SMC4: variants seen among roughly 807,000 people sequenced by gnomAD.
SMC4 encodes structural maintenance of chromosomes 4.
A neutral mutation model predicts 145.6 loss-of-function variants in SMC4; 87 were observed. The ratio of observed to expected loss-of-function variants is 0.60; its 90% CI spans 0.50 to 0.71. The LOEUF (loss-of-function observed/expected upper bound fraction) is 0.71. Ranked by LOEUF, SMC4 falls within the 30% of genes least tolerant of loss-of-function variation. The pLI, the probability that SMC4 is intolerant of heterozygous loss-of-function variation, is 0.00. For synonymous variants in SMC4, 558 were observed against 500.7 expected (o/e 1.11, Z -1.53); for missense variants, 1,447 against 1,537.1 (o/e 0.94, Z 0.98).
rs986845213 is a variant in SMC4, at chr3:160,434,509, T to A, written c.*700T>A. ...AATTTTCAACTTTATGATAGGTTTA[T>A]CCGGGTACTAAATGCATTTCAACTT... On this transcript the variant is annotated 3_prime_UTR_variant, in exon 24 of 24. Coordinates refer to ENST00000357388, the MANE Select transcript of SMC4 (RefSeq NM_001002800.3). 8.5e-5 allele frequency: 13 copies of A among 152,236 alleles called. No individual in the cohort carries two copies. Among genetic ancestry groups the A allele is most frequent in the African/African-American group, 3.1e-4 (13 of 41,466 alleles). The allele number at this position is 152,236 out of a possible 1,614,324, so 9.4% of individuals were successfully genotyped here.
rs1196287988 is a variant in SMC4 at position 160,417,950 on chromosome 3, AAAG to A, written c.1666_1668del (p.Lys556del). ...AACTCCCTCAAACTGAACAAGAATT[AAAG>A]GAGGTAAATCTTTGCTTCTCTGTTG... is the stretch of plus-strand genomic sequence containing the variant. On this transcript the variant is annotated inframe_deletion, in exon 11 of 24. Coordinates refer to ENST00000357388, the MANE Select transcript of SMC4 (RefSeq NM_001002800.3). The A allele has an allele frequency of 1.2e-6, 2 of 1,607,872 alleles. No homozygotes were observed. Among genetic ancestry groups the A allele is most frequent in the African/African-American group, 2.7e-5 (2 of 74,652 alleles).
At position 160,420,455 on chromosome 3, in the gene SMC4, A is replaced by G. The variant is rs936728809; in HGVS notation, c.1858-285A>G. ...TTTACATAATTTTAGATGCTTTTCA[A>G]TAATTCAAAGTTTTCTGAGTTTTGC... On this transcript the variant is annotated intron_variant, in intron 12 of 23. Transcript: ENST00000357388. The G allele has an allele frequency of 4.0e-5, 13 of 322,860 alleles. 1 individual carries two copies. In the South Asian group the frequency reaches 4.5e-4, roughly 11 times the overall value. The allele number at this position is 322,860 out of a possible 1,614,324, so 20.0% of individuals were successfully genotyped here.
In SMC4 at chr3:160,424,972, G is replaced by A; in HGVS notation, c.2431G>A (p.Glu811Lys). 6.2e-7 allele frequency: 1 copy of A among 1,613,400 alleles called. No individual in the cohort carries two copies. Among genetic ancestry groups the A allele is most frequent in the African/African-American group, 1.3e-5 (1 of 74,826 alleles). Residue 811 changes from glutamate (E) to lysine (K), a missense_variant, in exon 16 of 24, where the codon GAA becomes AAA. Transcript: ENST00000357388. Reference protein sequence around the residue: ...EERVVKLRHSEREMRNTLEKF... With the variant: ...EERVVKLRHSKREMRNTLEKF... ...AAGAGTAGTTAAGTTACGGCATAGTGAACGAGAAATGAGGAACACACTAGA... is the reference window on the plus strand; with the variant it reads ...AAGAGTAGTTAAGTTACGGCATAGTAAACGAGAAATGAGGAACACACTAGA...
At chr3:160,419,566 A>G (rs1716949691) in intron 12 of SMC4, 23 bp downstream of exon 12, 2 of 1,560,388 alleles carry the variant, frequency 1.3e-6, no homozygotes, top group Admixed American at 2.3e-5. Context: ...TTTGGGGGGC[A>G]TGGCTTTACT....
At chr3:160,420,553 T>C in intron 12 of SMC4, 187 bp from the exon 13 acceptor site, 1 of 484,310 alleles carries the variant, frequency 2.1e-6, no homozygotes, top group South Asian at 3.4e-5. Flanking sequence ...TTTGTGCTCA[T>C]TAGAAATTCA....
intron 21 of SMC4, 133 bp downstream of exon 21, chr3:160,431,958 T>C (rs1218370240): frequency 3.3e-6 from 3 of 918,914 alleles, no homozygotes; most frequent in Non-Finnish European, 4.9e-6. Context: ...TCCCAGCACT[T>C]TGGGAGGCCA....
chr3:160,418,027 ATCTCCGCG>A, intron 11 of SMC4, 71 bp downstream of exon 11: 1 of 1,249,546 alleles, frequency 8.0e-7, no homozygotes, highest in Non-Finnish European at 1.1e-6. Flanking sequence ...TTTGTTTTTA[ATCTCCGCG>A]TCAGAGGTGA....
intron 15 of SMC4, 42 bp downstream of exon 15, chr3:160,423,882 T>TA (rs753802690): frequency 1.4e-6 from 2 of 1,417,404 alleles, no homozygotes; most frequent in South Asian, 2.5e-5. Flanking sequence ...TTTTTTTTTT[T>TA]AAATAGCTTT....
Position 160,416,422 on chromosome 3 carries a change from T to A in SMC4, c.1437+7T>A, listed in dbSNP as rs748789691. On this transcript the variant is annotated splice_region_variant and intron_variant, in intron 10 of 23. Transcript: ENST00000357388. Reference sequence around the variant, plus strand: ...GCTTCAGAAAGAAAAAGAAGTAAGTTTTTTTTTTTTATCAGTGTTTATTTT... The same window carrying A: ...GCTTCAGAAAGAAAAAGAAGTAAGTATTTTTTTTTTATCAGTGTTTATTTT... 5 of 1,446,760 alleles carry A rather than the reference T, an allele frequency of 3.5e-6. No individual in the cohort carries two copies. The highest frequency in any genetic ancestry group is 4.6e-6 in the Non-Finnish European group (5 of 1,090,904). 89.6% of individuals were successfully genotyped at this position (1,446,760 alleles called of 1,614,324 possible).
At chr3:160,403,368 G>C (rs999280007) in intron 4 of SMC4, among the ~76,000 whole-genome samples, 2 of 152,068 alleles carry the variant, frequency 1.3e-5, no homozygotes, top group African/African-American at 2.4e-5. Context: ...GGAAGGACAA[G>C]CTAATGTTTG....
intron 7 of SMC4, chr3:160,412,654 G>A: frequency 1.2e-5 from 13 of 1,075,520 alleles, no homozygotes; most frequent in South Asian, 4.4e-5. Flanking sequence ...TTGAGGCTGG[G>A]AGTTCAAGAC....
chr3:160,418,010 A>T, intron 11 of SMC4, 54 bp downstream of exon 11: 1 of 1,457,252 alleles, frequency 6.9e-7, no homozygotes, highest in Non-Finnish European at 9.4e-7. Context: ...CTTCAGCTTT[A>T]TACATTTTTG....
At chr3:160,406,004 T>A (rs1369334737) in intron 5 of SMC4, among the ~76,000 whole-genome samples, 1 of 152,036 alleles carries the variant, frequency 6.6e-6, no homozygotes, top group East Asian at 1.9e-4. Flanking sequence ...TTTTAACCCT[T>A]CTAAGGATAA....
chr3:160,419,286 A>G (rs974800552), intron 11 of SMC4, 72 bp from the exon 12 acceptor site: 7 of 995,168 alleles, frequency 7.0e-6, no homozygotes, highest in East Asian at 2.6e-5. Context: ...AAGCATTACA[A>G]CTAATTCAGT....
intron 21 of SMC4, 146 bp downstream of exon 21, chr3:160,431,971 G>GT: frequency 1.2e-6 from 1 of 810,620 alleles, no homozygotes; most frequent in Non-Finnish European, 1.9e-6. Flanking sequence ...GGAGGCCAAA[G>GT]GCGGGTGGAT....
intron 5 of SMC4, among the ~76,000 whole-genome samples, chr3:160,411,010 T>C (rs1715938002): frequency 6.6e-6 from 1 of 152,206 alleles, no homozygotes; most frequent in Admixed American, 6.5e-5. Context: ...TCCTATAACG[T>C]AGCAGCATTT....
intron 18 of SMC4, among the ~76,000 whole-genome samples, chr3:160,429,546 C>T (rs1029917720): frequency 3.3e-5 from 5 of 151,612 alleles, no homozygotes; most frequent in Admixed American, 3.3e-4. Flanking sequence ...AGAGTTTTGC[C>T]ATGTTTCCCA....
rs150913906 is a variant in SMC4 at position 160,423,442 on chromosome 3, A to C, written c.2037A>C (p.Lys679Asn). 1.6e-4 allele frequency: 261 copies of C among 1,603,554 alleles called. No individual in the cohort carries two copies. In the African/African-American group the frequency reaches 3.2e-3, roughly 20 times the overall value. ...ACTTTTAGATGGCTGTATGGGCGAA[A>C]AAGATGACCGAAATTCAAACTCCTG... ...IGLDKMAVWAKKMTEIQTPEN... is the reference protein window; with the variant it reads ...IGLDKMAVWANKMTEIQTPEN... Residue 679 changes from lysine to asparagine, a missense_variant, in exon 14 of 24, where the codon AAA (lysine) becomes AAC (asparagine). Transcript: ENST00000357388.
intron 21 of SMC4, 52 bp downstream of exon 21, chr3:160,431,877 C>A: frequency 6.6e-7 from 1 of 1,516,146 alleles, no homozygotes; most frequent in Non-Finnish European, 9.0e-7. Flanking sequence ...TAGTCCTTAG[C>A]CTAAATTCTG....
Sources: allele counts gnomAD v4.1 joint callset (sites outside exome capture counted in the v4.1 genomes callset), GRCh38; gene constraint gnomAD v4.1.1; transcripts MANE v1.5; gene names NCBI Gene and HGNC (gene_info 2026-07-23, HGNC 2026-07-21).